ACOT7: variants seen among roughly 807,000 people sequenced by gnomAD.
ACOT7 encodes cytosolic acyl coenzyme A thioester hydrolase.
In ACOT7, 12 loss-of-function variants were observed where a neutral mutation model predicts 40.2. The observed-to-expected ratio is 0.30, with a 90% CI of 0.19 to 0.48. ACOT7 has a LOEUF of 0.48. Ranked by LOEUF, ACOT7 falls within the 20% of genes least tolerant of loss-of-function variation. The pLI is 0.99. For missense variants in ACOT7, 395 were observed against 530.8 expected, an observed-to-expected ratio of 0.74 and a Z score of 2.51; for synonymous variants, 228 against 219.5, an observed-to-expected ratio of 1.04 and a Z score of -0.34.
chr1:6,339,832 C>CG (rs1486942242), intron 2 of ACOT7, among the ~76,000 whole-genome samples: 1 of 151,168 alleles, frequency 6.6e-6, no homozygotes. Flanking sequence ...CTCAGCCTCC[C>CG]GGGTTCACGA....
chr1:6,283,522 C>T (rs1639412854), intron 7 of ACOT7, among the ~76,000 whole-genome samples: 1 of 152,204 alleles, frequency 6.6e-6, no homozygotes, highest in South Asian at 2.1e-4. Flanking sequence ...ACTGCTGCCA[C>T]GGCCAGATCC....
intron 7 of ACOT7, among the ~76,000 whole-genome samples, chr1:6,286,578 C>T (rs1417008681): frequency 6.6e-6 from 1 of 152,172 alleles, no homozygotes; most frequent in Non-Finnish European, 1.5e-5. Context: ...TGAGCAGGGA[C>T]AAGCCAGGAG....
In ACOT7 at chr1:6,339,419, G is replaced by A. The variant is rs748740381; in HGVS notation, c.418+14C>T. ...CCTTACTGCTCCAGTCAACACTGTC[G>A]CTCCCAGAAGTACCTGTGAGGATGT... On this transcript the variant is annotated intron_variant, in intron 3 of 8. Coordinates refer to ENST00000361521, the MANE Select transcript of ACOT7 (RefSeq NM_007274.4). 73 of 1,612,206 alleles carry A rather than the reference G, an allele frequency of 4.5e-5. No homozygotes were observed. Among genetic ancestry groups the A allele is most frequent in the Non-Finnish European group, 5.4e-5 (64 of 1,179,972 alleles).
intron 8 of ACOT7, among the ~76,000 whole-genome samples, chr1:6,269,010 G>A (rs555897159): frequency 9.9e-5 from 15 of 152,224 alleles, no homozygotes; most frequent in Non-Finnish European, 2.2e-4. Flanking sequence ...GGACTACAGC[G>A]ATAAGGGGAT....
chr1:6,378,473 C>T (rs1571353859), intron 1 of ACOT7, among the ~76,000 whole-genome samples: 2 of 151,986 alleles, frequency 1.3e-5, no homozygotes, highest in African/African-American at 4.8e-5. Context: ...AAGAGGAATG[C>T]TCTGGCCCTC....
At chr1:6,351,124 T>C (rs1387416206) in intron 1 of ACOT7, among the ~76,000 whole-genome samples, 1 of 152,226 alleles carries the variant, frequency 6.6e-6, no homozygotes, top group East Asian at 1.9e-4. Context: ...ATGCCACTTC[T>C]AGAGCAAATG....
intron 1 of ACOT7, among the ~76,000 whole-genome samples, chr1:6,373,391 C>T (rs550179133): frequency 2.0e-5 from 3 of 152,224 alleles, no homozygotes; most frequent in East Asian, 1.9e-4. Flanking sequence ...GCTGTGACTA[C>T]GGCACATGCC....
chr1:6,273,362 G>A (rs747027728), intron 8 of ACOT7, among the ~76,000 whole-genome samples: 9 of 152,176 alleles, frequency 5.9e-5, no homozygotes, highest in African/African-American at 1.7e-4. Flanking sequence ...ACTGGCCACC[G>A]GATGTTCCTA....
chr1:6,375,934 C>T (rs950693464), intron 1 of ACOT7, among the ~76,000 whole-genome samples: 88 of 128,362 alleles, frequency 6.9e-4, no homozygotes, highest in South Asian at 6.9e-4. Context: ...CGAGACTCCA[C>T]CTCAAAAAAA....
At chr1:6,328,822 G>A (rs1199535297) in intron 4 of ACOT7, among the ~76,000 whole-genome samples, 1 of 152,246 alleles carries the variant, frequency 6.6e-6, no homozygotes, top group Non-Finnish European at 1.5e-5. Context: ...GCACACTGGA[G>A]GGGATGCACC....
At chr1:6,353,292 C>T (rs1375098754) in intron 1 of ACOT7, among the ~76,000 whole-genome samples, 1 of 151,848 alleles carries the variant, frequency 6.6e-6, no homozygotes, top group Non-Finnish European at 1.5e-5. Context: ...GCACTCAAGC[C>T]TGGGCAACAG....
chr1:6,359,118 A>G lies in ACOT7; in HGVS notation c.144-9252T>C. 1 of 348,454 alleles carries G rather than the reference A, an allele frequency of 2.9e-6. No individual in the cohort carries two copies. Among genetic ancestry groups the G allele is most frequent in the Non-Finnish European group, 5.3e-6 (1 of 189,962 alleles). 21.6% of individuals were successfully genotyped at this position (348,454 alleles called of 1,614,324 possible). Reference sequence around the variant, plus strand: ...AATTCTGTGAGCTCTTCTGGCTGCCATGCCAGGAGATCAGGAAGGCAGAGG... The same window carrying G: ...AATTCTGTGAGCTCTTCTGGCTGCCGTGCCAGGAGATCAGGAAGGCAGAGG... On this transcript the variant is annotated intron_variant, in intron 1 of 8. Coordinates refer to ENST00000361521, the MANE Select transcript of ACOT7 (RefSeq NM_007274.4). This position sits in a 1 kb window ranked among gnomAD's most constrained non-coding sequence, Gnocchi z 4.1.
At chr1:6,361,787 A>C (rs1398224067) in intron 1 of ACOT7, among the ~76,000 whole-genome samples, 1 of 152,184 alleles carries the variant, frequency 6.6e-6, no homozygotes, top group Non-Finnish European at 1.5e-5. Context: ...CCTGGGCAAC[A>C]GAGCGGGACT....
At position 6,330,989 on chromosome 1, in the gene ACOT7, A is replaced by G. The variant is rs961911921; in HGVS notation, c.510+2488T>C. 6.6e-6 allele frequency among the ~76,000 whole-genome samples: 1 copy of G among 152,196 alleles called. No individual in the cohort carries two copies. Among genetic ancestry groups the G allele is most frequent in the Non-Finnish European group, 1.5e-5 (1 of 68,044 alleles). ...CTCACTGAACGCCAAGGGCTTAGAG[A>G]AAAGAATGAACGTGGGGTGGGTGTG... On this transcript the variant is annotated intron_variant, in intron 4 of 8. Transcript: ENST00000361521. This position sits in a 1 kb window ranked among gnomAD's most constrained non-coding sequence, Gnocchi z 4.6.
At chr1:6,269,600 G>C (rs1268671165) in intron 8 of ACOT7, among the ~76,000 whole-genome samples, 1 of 152,276 alleles carries the variant, frequency 6.6e-6, no homozygotes, top group East Asian at 1.9e-4. Context: ...TCCAGGCTGA[G>C]GGAGAATCTG....
intron 2 of ACOT7, among the ~76,000 whole-genome samples, chr1:6,340,893 G>A (rs59602712): frequency 3.5e-4 from 53 of 151,922 alleles, no homozygotes; most frequent in Admixed American, 2.7e-3. Context: ...AAAGTTACCC[G>A]GGCGTGGCGG....
chr1:6,377,755 C>T (rs1274596963), intron 1 of ACOT7, among the ~76,000 whole-genome samples: 1 of 152,164 alleles, frequency 6.6e-6, no homozygotes, highest in South Asian at 2.1e-4. Flanking sequence ...AAGAAACACA[C>T]AAACATCAAA....
At chr1:6,374,999 CG>C (rs1264188847) in intron 1 of ACOT7, among the ~76,000 whole-genome samples, 1 of 152,120 alleles carries the variant, frequency 6.6e-6, no homozygotes, top group African/African-American at 2.4e-5. Flanking sequence ...GGAGACAGGC[CG>C]GGCGCGGTGG....
chr1:6,339,670 C>G (rs1442738937), intron 2 of ACOT7, 81 bp from the exon 3 acceptor site: 1 of 1,517,916 alleles, frequency 6.6e-7, no homozygotes, highest in Non-Finnish European at 8.9e-7. Context: ...CCCCTGGAAA[C>G]GGTCTTTGCC....
Sources: allele counts gnomAD v4.1 joint callset (sites outside exome capture counted in the v4.1 genomes callset), GRCh38; gene constraint gnomAD v4.1.1; non-coding constraint Gnocchi (gnomAD v3.1); transcripts MANE v1.5; gene names NCBI Gene and HGNC (gene_info 2026-07-23, HGNC 2026-07-21).